FOXO1: variants seen among roughly 807,000 people sequenced by gnomAD.
The protein encoded by FOXO1 is forkhead box protein O1.
FOXO1 carries 6 observed loss-of-function variants against 44.1 expected under a neutral mutation model. That is an observed-to-expected ratio of 0.14 (90% CI 0.07 to 0.27). The LOEUF (loss-of-function observed/expected upper bound fraction) is 0.27. FOXO1 is among the 10% of genes least tolerant of loss of function. The pLI is 1.00. For missense variants in FOXO1, 737 were observed against 888.8 expected (o/e 0.83, Z 2.17); for synonymous variants, 380 against 362.7 (o/e 1.05, Z -0.54).
At chr13:40,591,249 G>A (rs774126201) in intron 1 of FOXO1, among the ~76,000 whole-genome samples, 24 of 152,226 alleles carry the variant, frequency 1.6e-4, no homozygotes, top group Admixed American at 3.9e-4. Flanking sequence ...GGGGCAAGCT[G>A]TAGCTTGCTG....
Position 40,560,497 on chromosome 13 carries a change from T to C in FOXO1, c.994A>G (p.Met332Val). 1 of 1,614,194 alleles carries C rather than the reference T, an allele frequency of 6.2e-7. No individual in the cohort carries two copies. Among genetic ancestry groups the C allele is most frequent in the Non-Finnish European group, 8.5e-7 (1 of 1,180,032 alleles). Residue 332 changes from methionine to valine, a missense_variant, in exon 2 of 3, where the codon ATG becomes GTG. Transcript: ENST00000379561. This position sits in a 1 kb window ranked among gnomAD's most constrained non-coding sequence, Gnocchi z 5.1. ...TCTCCAAGATCATCCTGTTCGGTCATAATGGGTGAGAGTCTCCCACTAATA... is the reference window on the plus strand; with the variant it reads ...TCTCCAAGATCATCCTGTTCGGTCACAATGGGTGAGAGTCTCCCACTAATA... ...STISGRLSPI[M>V]TEQDDLGEGD... is the part of the protein sequence containing the mutation.
chr13:40,596,622 G>C (rs1421411292), intron 1 of FOXO1, among the ~76,000 whole-genome samples: 1 of 152,208 alleles, frequency 6.6e-6, no homozygotes, highest in African/African-American at 2.4e-5. Flanking sequence ...TGCCCAGCCA[G>C]TGAGCATCTA....
intron 1 of FOXO1, among the ~76,000 whole-genome samples, chr13:40,584,469 CAAAAAAAAAAAAAAAAAAAAAAAAAA>C (rs55733141): frequency 1.6e-5 from 1 of 63,130 alleles, no homozygotes; most frequent in African/African-American, 7.6e-5. Flanking sequence ...ACAAAAAATG[CAAAAAAAAAAAAAAAAAAAAAAAAAA>C]AAAAAAGCCA....
intron 1 of FOXO1, among the ~76,000 whole-genome samples, chr13:40,635,732 C>T (rs1877123876): frequency 6.6e-6 from 1 of 152,188 alleles, no homozygotes; most frequent in African/African-American, 2.4e-5. Context: ...GCAGGAAAGG[C>T]CTCTGGATGG....
In FOXO1 at chr13:40,619,994, G is replaced by A. The variant is rs73173174; in HGVS notation, c.630+45589C>T. 5.3e-3 allele frequency: 3,740 copies of A among 709,706 alleles called. 28 individuals carry two copies. Among genetic ancestry groups the A allele is most frequent in the Non-Finnish European group, 5.7e-3 (2,269 of 395,130 alleles). 44.0% of individuals were successfully genotyped at this position (709,706 alleles called of 1,614,324 possible). On this transcript the variant is annotated intron_variant, in intron 1 of 2. Coordinates refer to ENST00000379561, the MANE Select transcript of FOXO1 (RefSeq NM_002015.4). ...AGCTGTTCACCAATTCAGAGACACA[G>A]TGGCACTGTTTGTCATAATTCACAA...
chr13:40,560,200 T>A lies in FOXO1; in HGVS notation c.1291A>T (p.Met431Leu). 6.2e-7 allele frequency: 1 copy of A among 1,614,232 alleles called. No homozygotes were observed. The highest frequency in any genetic ancestry group is 8.5e-7 in the Non-Finnish European group (1 of 1,180,038). The change falls in exon 2 of 3, where the codon ATG becomes TTG. Residue 431 changes from methionine to leucine, a missense_variant. Coordinates refer to ENST00000379561, the MANE Select transcript of FOXO1 (RefSeq NM_002015.4). The surrounding 1 kb of genome is among the most constrained non-coding windows in gnomAD (Gnocchi z 5.1). Reference sequence around the variant, plus strand: ...ATAGGCATCTGGGGCAAAGGGCTCATGCTGGATTGGCCATATGTATATTTT... The same window carrying A: ...ATAGGCATCTGGGGCAAAGGGCTCAAGCTGGATTGGCCATATGTATATTTT... ...YQKYTYGQSS[M>L]SPLPQMPIQT...
At chr13:40,580,455 T>C (rs1874913526) in intron 1 of FOXO1, among the ~76,000 whole-genome samples, 3 of 152,174 alleles carry the variant, frequency 2.0e-5, no homozygotes, top group Admixed American at 2.0e-4. Flanking sequence ...TACTGGCACT[T>C]AGCAAATGTG....
At chr13:40,601,281 G>C (rs182092020) in intron 1 of FOXO1, among the ~76,000 whole-genome samples, 25 of 152,272 alleles carry the variant, frequency 1.6e-4, no homozygotes, top group African/African-American at 5.3e-4. Flanking sequence ...TGGACTTAAA[G>C]GTGATTTTTA....
In FOXO1 at chr13:40,665,656, A is replaced by C. The variant is rs1369787993; in HGVS notation, c.557T>G (p.Ile186Ser). The change falls in exon 1 of 3, where the codon ATC becomes AGC. Residue 186 changes from isoleucine (I) to serine (S), a missense_variant. Ile to Ser is a moderately radical substitution (Grantham distance 142). This residue lies in a region of FOXO1 where 49 missense variants were observed against 50.2 expected (regional missense o/e 0.98). Transcript: ENST00000379561. ...CACGCTCTTGACCATCCACTCGTAG[A>C]TCTGCGACAGCGTGAGCCGCTTCTC... ...SAEKRLTLSQ[I>S]YEWMVKSVPY... 6.5e-7 allele frequency: 1 copy of C among 1,534,568 alleles called. No homozygotes were observed.
At chr13:40,568,799 A>T (rs937593344) in intron 1 of FOXO1, among the ~76,000 whole-genome samples, 1 of 152,276 alleles carries the variant, frequency 6.6e-6, no homozygotes, top group East Asian at 1.9e-4. Flanking sequence ...CACTGATCCC[A>T]GGGCTGTGGA....
chr13:40,558,899 AAAGG>A lies in FOXO1; in HGVS notation c.*146_*149del. ...AATGTCTTTGCTGCCAAGTCTGACG[AAAGG>A]AAAAAAGGAGGGTTTTTTTTTTTGT... is the stretch of plus-strand genomic sequence containing the variant. On this transcript the variant is annotated 3_prime_UTR_variant, in exon 3 of 3. Transcript: ENST00000379561. 1 of 395,732 alleles carries A rather than the reference AAAGG, an allele frequency of 2.5e-6. No individual in the cohort carries two copies. Among genetic ancestry groups the A allele is most frequent in the Non-Finnish European group, 4.4e-6 (1 of 225,648 alleles). 24.5% of individuals were successfully genotyped at this position (395,732 alleles called of 1,614,324 possible).
intron 1 of FOXO1, among the ~76,000 whole-genome samples, chr13:40,628,389 A>ACACC (rs1555252079): frequency 6.0e-5 from 9 of 148,806 alleles, no homozygotes; most frequent in East Asian, 3.9e-4. Context: ...ACACACACAC[A>ACACC]CCCCGTGAGG....
intron 1 of FOXO1, among the ~76,000 whole-genome samples, chr13:40,653,095 G>A (rs1053415194): frequency 7.9e-5 from 12 of 151,870 alleles, no homozygotes; most frequent in African/African-American, 2.2e-4. Context: ...TCAGCCTCCC[G>A]AGTAGCTGGG....
At chr13:40,661,029 T>A (rs1878020007) in intron 1 of FOXO1, among the ~76,000 whole-genome samples, 1 of 152,080 alleles carries the variant, frequency 6.6e-6, no homozygotes, top group Admixed American at 6.5e-5. Context: ...CTTCTCGCCA[T>A]CCCCTCAACC....
At chr13:40,634,483 T>C (rs930813929) in intron 1 of FOXO1, among the ~76,000 whole-genome samples, 3 of 152,126 alleles carry the variant, frequency 2.0e-5, no homozygotes, top group Non-Finnish European at 4.4e-5. Flanking sequence ...AAAAGTGAGC[T>C]AGGGCAACAC....
intron 1 of FOXO1, among the ~76,000 whole-genome samples, chr13:40,587,401 A>C (rs758296524): frequency 6.6e-5 from 10 of 152,230 alleles, no homozygotes; most frequent in Admixed American, 1.3e-4. Context: ...AAGTCCAGAT[A>C]AGCCAAACAG....
intron 1 of FOXO1, among the ~76,000 whole-genome samples, chr13:40,563,117 C>G (rs946007834): frequency 2.0e-5 from 3 of 152,244 alleles, no homozygotes; most frequent in Non-Finnish European, 4.4e-5. Flanking sequence ...CCCCTCTTCT[C>G]AACCACAAAA....
chr13:40,651,561 T>A (rs1025287367), intron 1 of FOXO1, among the ~76,000 whole-genome samples: 18 of 152,130 alleles, frequency 1.2e-4, no homozygotes, highest in African/African-American at 4.3e-4. Flanking sequence ...AACATTTTGA[T>A]GACCTCTAAA....
intron 1 of FOXO1, among the ~76,000 whole-genome samples, chr13:40,610,273 G>A (rs931352053): frequency 6.6e-6 from 1 of 152,066 alleles, no homozygotes; most frequent in Non-Finnish European, 1.5e-5. Flanking sequence ...CTATAACAGT[G>A]AAATTTTAAA....
Sources: gnomAD v4.1 joint callset for allele counts (sites outside exome capture counted in the v4.1 genomes callset) on GRCh38, gnomAD v4.1.1 for gene constraint, gnomAD v4.1.1 regional missense constraint, Gnocchi (gnomAD v3.1) non-coding constraint, MANE v1.5 for transcripts, NCBI Gene and HGNC (gene_info 2026-07-23, HGNC 2026-07-21) for gene names.